Variants in RC3H2 observed in about 807,000 individuals in gnomAD.
RC3H2 encodes the protein roquin-2.
In RC3H2, 31 loss-of-function variants were observed where a neutral mutation model predicts 133.3. The ratio of observed to expected loss-of-function variants is 0.23; its 90% CI spans 0.17 to 0.31. The LOEUF is 0.31. Among genes scored for constraint, RC3H2 ranks in the 10% least tolerant of loss-of-function variants. RC3H2 has a pLI of 1.00. For missense variants in RC3H2, 1,175 were observed against 1,437.2 expected, an observed-to-expected ratio of 0.82 and a Z score of 2.95; for synonymous variants, 517 against 502.2, an observed-to-expected ratio of 1.03 and a Z score of -0.40.
At chr9:122,883,408 T>C (rs533351357) in intron 4 of RC3H2, 29 bp from the exon 5 acceptor site, 18 of 1,559,944 alleles carry the variant, frequency 1.2e-5, no homozygotes, top group Non-Finnish European at 1.6e-5. Context: ...CATGAGTTCA[T>C]GACAAATGAG....
chr9:122,880,209 T>C (rs370547104), intron 6 of RC3H2, 84 bp from the exon 7 acceptor site: 6 of 1,438,274 alleles, frequency 4.2e-6, no homozygotes, highest in Middle Eastern at 1.7e-4. Context: ...TCAACATATT[T>C]AATACGTTTT....
chr9:122,892,458 C>T (rs2131492008), intron 3 of RC3H2, among the ~76,000 whole-genome samples: 1 of 152,072 alleles, frequency 6.6e-6, no homozygotes, highest in South Asian at 2.1e-4. Context: ...TCGCCCCAGG[C>T]TGGAGTGCAG....
At chr9:122,869,661 C>G (rs1026219518) in intron 9 of RC3H2, among the ~76,000 whole-genome samples, 1 of 149,514 alleles carries the variant, frequency 6.7e-6, no homozygotes, top group Non-Finnish European at 1.5e-5. Flanking sequence ...TTCCCGGGTT[C>G]AAGCAATTCT....
chr9:122,858,088 A>G lies in RC3H2; in HGVS notation c.2289T>C (p.Pro763=), dbSNP rs755304570. ...CGCAACTGGTCTTCAAATGACCACA[A>G]GGTTCCTAATGGGGGATAAAAGAAA... The part of the protein sequence containing the change: ...PRTTVPLPRE[P]CGHLKTSCEE... The change falls in exon 13 of 21, where the codon CCT becomes CCC. Residue 763 remains proline, a synonymous_variant. Coordinates refer to ENST00000357244, the MANE Select transcript of RC3H2 (RefSeq NM_001100588.3). 4.3e-6 allele frequency: 7 copies of G among 1,614,042 alleles called. No homozygotes were observed. Among genetic ancestry groups the G allele is most frequent in the South Asian group, 1.1e-5 (1 of 91,056 alleles).
Position 122,864,845 on chromosome 9 carries a change from C to T in RC3H2, c.1634+504G>A, listed in dbSNP as rs1295316372. ...TTCACCATGTCAGCCAGGATGGTCT[C>T]GATCTCCAGACCTCATGATCTGCAT... On this transcript the variant is annotated intron_variant, in intron 10 of 20. Coordinates refer to ENST00000357244, the MANE Select transcript of RC3H2 (RefSeq NM_001100588.3). 3.9e-5 allele frequency among the ~76,000 whole-genome samples: 6 copies of T among 152,054 alleles called. No homozygotes were observed. The South Asian group carries it at 8.3e-4, about 21-fold the overall frequency.
Position 122,877,651 on chromosome 9 carries a change from G to C in RC3H2, c.1213-68C>G, listed in dbSNP as rs186706923. 9.0e-5 allele frequency: 106 copies of C among 1,183,986 alleles called. 1 individual carries two copies. The highest frequency in any genetic ancestry group is 1.2e-4 in the Non-Finnish European group (99 of 803,932). 73.3% of individuals were successfully genotyped at this position (1,183,986 alleles called of 1,614,324 possible). ...TTCCATTTGTTATTCACTCTAGGAA[G>C]TTCAGAACTTTATAATTACACCTTT... On this transcript the variant is annotated intron_variant, in intron 8 of 20. Transcript: ENST00000357244.
intron 13 of RC3H2, among the ~76,000 whole-genome samples, chr9:122,857,607 G>T (rs534373016): frequency 9.4e-4 from 143 of 152,304 alleles, no homozygotes; most frequent in South Asian, 1.7e-3. Context: ...TTATGCAAAT[G>T]TACTAATACA....
Position 122,858,712 on chromosome 9 carries a change from C to G in RC3H2, c.2240G>C (p.Cys747Ser). The change falls in exon 12 of 21, where the codon TGT becomes TCT. Residue 747 changes from cysteine (C) to serine (S), a missense_variant. Physicochemically the swap from Cys to Ser is moderately radical, Grantham distance 112. Coordinates refer to ENST00000357244, the MANE Select transcript of RC3H2 (RefSeq NM_001100588.3). ...NSLDGYYSVA[C>S]QPPSEPRTTV... ...TGTCCTTGGCTCACTTGGTGGCTGA[C>G]AAGCCACCGAATAATATCCATCTAA... 2 of 1,613,110 alleles carry G rather than the reference C, an allele frequency of 1.2e-6. No homozygotes were observed. The highest frequency in any genetic ancestry group is 8.5e-7 in the Non-Finnish European group (1 of 1,179,788).
intron 10 of RC3H2, 53 bp downstream of exon 10, chr9:122,865,296 C>G: frequency 6.9e-7 from 1 of 1,442,986 alleles, no homozygotes; most frequent in East Asian, 2.3e-5. Context: ...AACACTCAGG[C>G]ATTTCTAAAA....
chr9:122,872,382 C>A (rs536674758), intron 9 of RC3H2, among the ~76,000 whole-genome samples: 1 of 152,354 alleles, frequency 6.6e-6, no homozygotes, highest in East Asian at 1.9e-4. Flanking sequence ...AGAAGTTTAA[C>A]TTGTCTCCAT....
rs1831809162 is a variant in RC3H2, at chr9:122,884,494, C to T, written c.584-1115G>A. Among the ~76,000 whole-genome samples, 4 of 152,270 alleles carry T rather than the reference C, an allele frequency of 2.6e-5. No homozygotes were observed. In the South Asian group the frequency reaches 6.2e-4, roughly 24 times the overall value. On this transcript the variant is annotated intron_variant, in intron 4 of 20. Transcript: ENST00000357244. ...TATTAATTTCATTTATGTTGCTTTA[C>T]AGCCAAGGATATATGGTATAATCTG...
chr9:122,859,881 T>C, intron 11 of RC3H2, 36 bp downstream of exon 11: 1 of 1,473,716 alleles, frequency 6.8e-7, no homozygotes. Flanking sequence ...GGAAACAATG[T>C]TTCTTTTTTT....
chr9:122,899,678 C>A (rs1832580064), intron 1 of RC3H2, among the ~76,000 whole-genome samples: 1 of 152,170 alleles, frequency 6.6e-6, no homozygotes. Context: ...CCTAAAACTA[C>A]TGAACATTTT....
At chr9:122,893,116 G>A in intron 2 of RC3H2, 90 bp from the exon 3 acceptor site, 1 of 1,480,046 alleles carries the variant, frequency 6.8e-7, no homozygotes, top group Non-Finnish European at 9.0e-7. Flanking sequence ...ATCTTGGTGA[G>A]TATAAAATTA....
At chr9:122,852,103 C>T (rs1228806737) in intron 18 of RC3H2, among the ~76,000 whole-genome samples, 5 of 151,060 alleles carry the variant, frequency 3.3e-5, no homozygotes, top group African/African-American at 7.3e-5. Flanking sequence ...AGCGTCTCTG[C>T]CCGGCCGCCC....
intron 2 of RC3H2, among the ~76,000 whole-genome samples, chr9:122,894,282 A>G (rs928569309): frequency 6.6e-6 from 1 of 151,944 alleles, no homozygotes; most frequent in African/African-American, 2.4e-5. Flanking sequence ...GTTCAATGCA[A>G]TTCAACAAAT....
chr9:122,865,478 C>T lies in RC3H2; in HGVS notation c.1505G>A (p.Ser502Asn). The change falls in exon 10 of 21, where the codon AGT becomes AAT. Residue 502 changes from serine (S) to asparagine (N), a missense_variant. Ser to Asn is a conservative substitution (Grantham distance 46). Transcript: ENST00000357244. ...ACTACGTGAGATTAGCTGGGAAACA[C>T]TGTTTTCTGCATTTGAAATTCCGTT... Reference protein sequence around the residue: ...STNGISNAENSVSQLISRSTD... With the variant: ...STNGISNAENNVSQLISRSTD... 2 of 1,614,198 alleles carry T rather than the reference C, an allele frequency of 1.2e-6. No individual in the cohort carries two copies. Among genetic ancestry groups the T allele is most frequent in the South Asian group, 1.1e-5 (1 of 91,082 alleles).
intron 3 of RC3H2, among the ~76,000 whole-genome samples, chr9:122,892,168 G>A (rs561215690): frequency 6.6e-6 from 1 of 151,544 alleles, no homozygotes; most frequent in South Asian, 2.1e-4. Context: ...GTTGAGTGCA[G>A]TGGCACGATC....
intron 9 of RC3H2, among the ~76,000 whole-genome samples, chr9:122,867,452 G>A (rs1830755239): frequency 6.7e-6 from 1 of 149,466 alleles, no homozygotes; most frequent in Non-Finnish European, 1.5e-5. Flanking sequence ...GTCCAGGAGG[G>A]AGGTGGGGGG....
Sources: gnomAD v4.1 joint callset for allele counts (sites outside exome capture counted in the v4.1 genomes callset) on GRCh38, gnomAD v4.1.1 for gene constraint, MANE v1.5 for transcripts, NCBI Gene and HGNC (gene_info 2026-07-23, HGNC 2026-07-21) for gene names.